Variants in SFSWAP observed in about 807,000 individuals in gnomAD.
SFSWAP encodes splicing factor SWAP.
SFSWAP carries 17 observed loss-of-function variants against 100.7 expected under a neutral mutation model. That is an observed-to-expected ratio of 0.17 (90% CI 0.12 to 0.25). The LOEUF (loss-of-function observed/expected upper bound fraction) is 0.25, where lower values mean the gene tolerates loss of function less well. Ranked by LOEUF, SFSWAP falls within the 10% of genes least tolerant of loss-of-function variation. The pLI is 1.00. For missense variants in SFSWAP, 1,005 were observed against 1,262.6 expected, an observed-to-expected ratio of 0.80 and a Z score of 3.09; for synonymous variants, 504 against 510.1, an observed-to-expected ratio of 0.99 and a Z score of 0.16.
At chr12:131,776,656 G>T (rs1884049671) in intron 13 of SFSWAP, among the ~76,000 whole-genome samples, 1 of 152,226 alleles carries the variant, frequency 6.6e-6, no homozygotes, top group Non-Finnish European at 1.5e-5. Flanking sequence ...TGCGCACACT[G>T]CCGCGGGCTG....
rs114140166 is a variant in SFSWAP, at chr12:131,741,259, C to T, written c.1082-11864C>T. ...GGGATTACAGGCGCAAGCCACCGTG[C>T]CCAGCCTAGGGTTTTAATTTCATAC... On this transcript the variant is annotated intron_variant, in intron 7 of 17. Transcript: ENST00000261674. Among the ~76,000 whole-genome samples, 1,211 of 152,196 alleles carry T rather than the reference C, an allele frequency of 8.0e-3. 21 individuals carry two copies. The highest frequency in any genetic ancestry group is 0.028 in the African/African-American group (1,156 of 41,538).
intron 7 of SFSWAP, among the ~76,000 whole-genome samples, chr12:131,737,064 A>C (rs1437918823): frequency 6.6e-6 from 1 of 152,200 alleles, no homozygotes; most frequent in African/African-American, 2.4e-5. Context: ...TAGTAGCAAA[A>C]GACTGAGGCG....
chr12:131,718,005 CCAGGCGTGAGCCACCACACCCGGTTA>C (rs1176138278), intron 3 of SFSWAP, among the ~76,000 whole-genome samples: 6 of 152,166 alleles, frequency 3.9e-5, no homozygotes, highest in Admixed American at 1.3e-4. Context: ...TGCTGGGATT[CCAGGCGTGAGCCACCACACCCGGTTA>C]CAGGTGTGAG....
At chr12:131,741,121 G>A (rs190929543) in intron 7 of SFSWAP, among the ~76,000 whole-genome samples, 78 of 151,586 alleles carry the variant, frequency 5.1e-4, no homozygotes, top group African/African-American at 1.7e-3. Flanking sequence ...ACAGGCGTCC[G>A]ACACCACGCT....
chr12:131,766,675 A>G (rs1883146714), intron 13 of SFSWAP, among the ~76,000 whole-genome samples: 1 of 152,104 alleles, frequency 6.6e-6, no homozygotes, highest in Non-Finnish European at 1.5e-5. Context: ...CAGCACCAGT[A>G]TTGCGCTCAC....
At chr12:131,785,228 G>C (rs191763509) in intron 14 of SFSWAP, 3 of 1,533,846 alleles carry the variant, frequency 2.0e-6, no homozygotes, top group Non-Finnish European at 2.6e-6. Flanking sequence ...AAAACGTCAA[G>C]GTGTCTAACT....
chr12:131,765,852 A>G (rs1414717453), intron 12 of SFSWAP, among the ~76,000 whole-genome samples: 2 of 152,128 alleles, frequency 1.3e-5, no homozygotes, highest in Non-Finnish European at 1.5e-5. Flanking sequence ...TATTTTGGAT[A>G]TATGCTGAGA....
chr12:131,747,501 A>G (rs1183789010), intron 7 of SFSWAP, among the ~76,000 whole-genome samples: 2 of 152,230 alleles, frequency 1.3e-5, no homozygotes, highest in African/African-American at 4.8e-5. Context: ...TTCCCAGACA[A>G]GGGACTTAGC....
intron 13 of SFSWAP, among the ~76,000 whole-genome samples, chr12:131,775,044 C>T (rs1261687049): frequency 2.6e-5 from 4 of 152,164 alleles, no homozygotes; most frequent in African/African-American, 7.2e-5. Flanking sequence ...GATGGCGTCT[C>T]GCGCCCGTTT....
chr12:131,739,556 TTTTTTTTTG>T (rs1880400334), intron 7 of SFSWAP, among the ~76,000 whole-genome samples: 1 of 135,020 alleles, frequency 7.4e-6, no homozygotes, highest in Admixed American at 7.2e-5. Flanking sequence ...TTTTTTTTTT[TTTTTTTTTG>T]GATGGAGTCT....
chr12:131,745,770 CAAAA>C (rs1181381602), intron 7 of SFSWAP, among the ~76,000 whole-genome samples: 2 of 119,280 alleles, frequency 1.7e-5, no homozygotes, highest in African/African-American at 6.2e-5. Flanking sequence ...TTTTTTTTGG[CAAAA>C]AAAAAAAGGT....
intron 7 of SFSWAP, among the ~76,000 whole-genome samples, chr12:131,746,900 C>G (rs193196131): frequency 1.5e-4 from 23 of 152,176 alleles, no homozygotes; most frequent in African/African-American, 3.9e-4. Context: ...GTCAGGAGAT[C>G]GAGACCATCC....
rs1023882162 is a variant in SFSWAP at position 131,752,918 on chromosome 12, C to T, written c.1082-205C>T. On this transcript the variant is annotated intron_variant, in intron 7 of 17. Transcript: ENST00000261674. ...TTCGCTTTCCATCTGTCTTTGGATG[C>T]GTGTTGTGGCTTTGCCTGGTTCTTT... 2.8e-4 allele frequency among the ~76,000 whole-genome samples: 43 copies of T among 152,194 alleles called. 1 individual carries two copies. Among genetic ancestry groups the T allele is most frequent in the African/African-American group, 9.4e-4 (39 of 41,438 alleles).
In SFSWAP at chr12:131,714,841, G is replaced by A; in HGVS notation, c.408G>A (p.Leu136=). ...TTCAAGAGGAAGAATACAAGCGATTGAGTGAAGCACTAGCAGAGGATGGGA... is the reference window on the plus strand; with the variant it reads ...TTCAAGAGGAAGAATACAAGCGATTAAGTGAAGCACTAGCAGAGGATGGGA... The part of the protein sequence containing the change: ...EARQEEEYKR[L]SEALAEDGSY... Residue 136 remains leucine (L), a synonymous_variant, in exon 3 of 18, where the codon TTG becomes TTA. Transcript: ENST00000261674. The surrounding 1 kb of genome is among the most constrained non-coding windows in gnomAD (Gnocchi z 6.0). 2 of 1,614,018 alleles carry A rather than the reference G, an allele frequency of 1.2e-6. No individual in the cohort carries two copies. The highest frequency in any genetic ancestry group is 1.7e-6 in the Non-Finnish European group (2 of 1,179,898).
At chr12:131,766,876 G>A (rs1883161696) in intron 13 of SFSWAP, among the ~76,000 whole-genome samples, 1 of 152,272 alleles carries the variant, frequency 6.6e-6, no homozygotes, top group Non-Finnish European at 1.5e-5. Context: ...GCCAAGGAGG[G>A]GGTGCTCAGA....
At chr12:131,772,117 G>A (rs923741676) in intron 13 of SFSWAP, among the ~76,000 whole-genome samples, 4 of 152,030 alleles carry the variant, frequency 2.6e-5, no homozygotes, top group Admixed American at 2.0e-4. Context: ...TTTTTCCCCG[G>A]TACATTTCTG....
intron 17 of SFSWAP, 31 bp from the exon 18 acceptor site, chr12:131,799,392 C>A (rs1428752808): frequency 2.5e-6 from 4 of 1,610,454 alleles, no homozygotes; most frequent in South Asian, 2.2e-5. Context: ...CAGGTCTTCA[C>A]AGGTTCTCCT....
intron 11 of SFSWAP, chr12:131,757,267 T>G (rs1593155806): frequency 6.6e-6 from 1 of 152,618 alleles, no homozygotes; most frequent in East Asian, 1.9e-4. Context: ...AACGGGAAGC[T>G]CTGAGGCAGG....
intron 14 of SFSWAP, chr12:131,785,233 C>A: frequency 6.5e-7 from 1 of 1,530,568 alleles, no homozygotes; most frequent in South Asian, 1.2e-5. Flanking sequence ...GTCAAGGTGT[C>A]TAACTGACCT....
Sources: allele counts gnomAD v4.1 joint callset (sites outside exome capture counted in the v4.1 genomes callset), GRCh38; gene constraint gnomAD v4.1.1; non-coding constraint Gnocchi (gnomAD v3.1); transcripts MANE v1.5; gene names NCBI Gene and HGNC (gene_info 2026-07-23, HGNC 2026-07-21).